The following VOPP1 variants were observed in gnomAD, a reference collection of about 807,000 sequenced individuals.
VOPP1 encodes WW domain binding protein VOPP1.
In VOPP1, 8 loss-of-function variants were observed where a neutral mutation model predicts 23.5. The ratio of observed to expected loss-of-function variants is 0.34; its 90% confidence interval spans 0.20 to 0.61. The LOEUF (loss-of-function observed/expected upper bound fraction) is 0.61, where lower values mean the gene tolerates loss of function less well. Ranked by LOEUF, VOPP1 falls within the 20% of genes least tolerant of loss-of-function variation. VOPP1 has a pLI of 0.78. For synonymous variants in VOPP1, 83 were observed against 97.3 expected, an observed-to-expected ratio of 0.85 and a Z score of 0.86; for missense variants, 174 against 238.1, an observed-to-expected ratio of 0.73 and a Z score of 1.77.
chr7:55,541,749 C>T (rs1797140808), intron 1 of VOPP1, among the ~76,000 whole-genome samples: 1 of 152,148 alleles, frequency 6.6e-6, no homozygotes, highest in Non-Finnish European at 1.5e-5. Context: ...GTGGTGTATC[C>T]GGTTATTTAG....
intron 4 of VOPP1, among the ~76,000 whole-genome samples, chr7:55,449,689 G>A (rs1453839112): frequency 6.6e-6 from 1 of 152,214 alleles, no homozygotes; most frequent in African/African-American, 2.4e-5. Context: ...TTCCTGCAGA[G>A]GCGTTCTGGC....
chr7:55,500,802 T>C (rs1029987514), intron 2 of VOPP1, among the ~76,000 whole-genome samples: 4 of 152,216 alleles, frequency 2.6e-5, no homozygotes, highest in African/African-American at 9.6e-5. Context: ...GTTAGAGATG[T>C]TGCACCTCCA....
chr7:55,466,297 C>A (rs1048281292), downstream of VOPP1, among the ~76,000 whole-genome samples: 3 of 152,202 alleles, frequency 2.0e-5, no homozygotes, highest in Admixed American at 6.5e-5. Context: ...ATCACTTTAG[C>A]TGAGAAATGC....
chr7:55,526,237 T>C (rs1337287463), intron 1 of VOPP1, among the ~76,000 whole-genome samples: 1 of 152,204 alleles, frequency 6.6e-6, no homozygotes, highest in Non-Finnish European at 1.5e-5. Context: ...CAGTTCACAC[T>C]GGAGAGGCCT....
In VOPP1 at chr7:55,566,299, T is replaced by G. The variant is rs185007299; in HGVS notation, c.54+5972A>C. ...GTCTTATGTGCATTATAGAATTTTGTCAGGAAAATTACACTGTCCCCCCAA... is the reference window on the plus strand; with the variant it reads ...GTCTTATGTGCATTATAGAATTTTGGCAGGAAAATTACACTGTCCCCCCAA... On this transcript the variant is annotated intron_variant, in intron 1 of 4. Transcript: ENST00000285279. 7.2e-5 allele frequency among the ~76,000 whole-genome samples: 11 copies of G among 152,204 alleles called. No homozygotes were observed. The East Asian group carries it at 2.1e-3, about 29-fold the overall frequency.
intron 4 of VOPP1, among the ~76,000 whole-genome samples, chr7:55,444,429 G>A (rs1791045422): frequency 2.0e-5 from 3 of 152,190 alleles, no homozygotes; most frequent in African/African-American, 7.2e-5. Flanking sequence ...CCTATGACAT[G>A]GCAAGGATCC....
chr7:55,456,627 G>A (rs1791373713), intron 4 of VOPP1, among the ~76,000 whole-genome samples: 1 of 152,116 alleles, frequency 6.6e-6, no homozygotes, highest in South Asian at 2.1e-4. Context: ...CATAAAAAAA[G>A]GATGAGTTCA....
intron 1 of VOPP1, among the ~76,000 whole-genome samples, chr7:55,527,289 C>T (rs1399418702): frequency 2.0e-5 from 3 of 152,090 alleles, no homozygotes; most frequent in African/African-American, 7.2e-5. Context: ...CTCCAAGAAA[C>T]CTTGATTTTT....
At chr7:55,495,274 A>T (rs1276116940) in intron 3 of VOPP1, among the ~76,000 whole-genome samples, 1 of 151,710 alleles carries the variant, frequency 6.6e-6, no homozygotes, top group African/African-American at 2.4e-5. Flanking sequence ...TTCCATCCAG[A>T]CCTCCTTGGT....
chr7:55,508,414 C>T (rs1461512567), intron 2 of VOPP1, among the ~76,000 whole-genome samples: 1 of 152,146 alleles, frequency 6.6e-6, no homozygotes, highest in Non-Finnish European at 1.5e-5. Context: ...AATACAGGTG[C>T]ACACCACCAC....
intron 1 of VOPP1, among the ~76,000 whole-genome samples, chr7:55,555,067 C>T (rs1251046304): frequency 1.3e-5 from 2 of 152,130 alleles, no homozygotes; most frequent in African/African-American, 4.8e-5. Context: ...TGCCTCTAGG[C>T]CACAAGAAAA....
intron 1 of VOPP1, among the ~76,000 whole-genome samples, chr7:55,534,401 C>A (rs1452696480): frequency 6.6e-6 from 1 of 152,200 alleles, no homozygotes; most frequent in Non-Finnish European, 1.5e-5. Flanking sequence ...TCTCACTTCC[C>A]CTGAAGGGCA....
At chr7:55,543,761 G>A (rs1797243276) in intron 1 of VOPP1, among the ~76,000 whole-genome samples, 1 of 150,886 alleles carries the variant, frequency 6.6e-6, no homozygotes, top group Non-Finnish European at 1.5e-5. Flanking sequence ...CAGATTATTT[G>A]GTTTTTGGCT....
rs1798403547 is a variant in VOPP1, at chr7:55,572,467, G to A, written c.-143C>T. On this transcript the variant is annotated 5_prime_UTR_variant, in exon 1 of 5. Transcript: ENST00000285279. ...GGGGGGCCCGGCTGGGAGCGGGCGG[G>A]AGCCGGGGCGCGCCGCGCAGCCCTG... 2.3e-6 allele frequency: 1 copy of A among 429,380 alleles called. No homozygotes were observed. The highest frequency in any genetic ancestry group is 3.1e-6 in the Non-Finnish European group (1 of 323,678). The allele number at this position is 429,380 out of a possible 1,614,324, so 26.6% of individuals were successfully genotyped here. A position where few individuals can be genotyped will look rare whatever the true frequency, so the allele number is the denominator to read the frequency against.
chr7:55,508,958 G>A (rs1016927864), intron 2 of VOPP1, among the ~76,000 whole-genome samples: 5 of 152,288 alleles, frequency 3.3e-5, no homozygotes, highest in Admixed American at 1.3e-4. Context: ...TGAGAGGATC[G>A]CTTGAGTCAA....
At chr7:55,550,565 A>G (rs995575556) in intron 1 of VOPP1, among the ~76,000 whole-genome samples, 2 of 152,314 alleles carry the variant, frequency 1.3e-5, no homozygotes, top group South Asian at 2.1e-4. Flanking sequence ...AAAAAGTCCA[A>G]AATGTACAAA....
chr7:55,495,475 T>C (rs1042752589), intron 3 of VOPP1, among the ~76,000 whole-genome samples: 1 of 152,146 alleles, frequency 6.6e-6, no homozygotes, highest in African/African-American at 2.4e-5. Flanking sequence ...CCCATCACCT[T>C]TTAACACATC....
At chr7:55,539,931 A>G (rs1786711354) in intron 1 of VOPP1, among the ~76,000 whole-genome samples, 1 of 151,734 alleles carries the variant, frequency 6.6e-6, no homozygotes, top group Non-Finnish European at 1.5e-5. Flanking sequence ...ACACACACAC[A>G]CACACACACA....
At chr7:55,520,082 T>C (rs757566204) in intron 2 of VOPP1, among the ~76,000 whole-genome samples, 1 of 152,088 alleles carries the variant, frequency 6.6e-6, no homozygotes, top group Non-Finnish European at 1.5e-5. Context: ...GAGCCGAGAT[T>C]GCACCACTGC....
Sources: allele counts gnomAD v4.1 joint callset (sites outside exome capture counted in the v4.1 genomes callset), GRCh38; gene constraint gnomAD v4.1.1; transcripts MANE v1.5; gene names NCBI Gene and HGNC (gene_info 2026-07-23, HGNC 2026-07-21).